The following ATP8B3 variants were observed in gnomAD, a reference collection of about 807,000 sequenced individuals.
ATP8B3 encodes phospholipid-transporting ATPase IK.
In ATP8B3, 141 loss-of-function variants were observed where a neutral mutation model predicts 140.9. The ratio of observed to expected loss-of-function variants is 1.00; its 90% CI spans 0.87 to 1.15. ATP8B3 has a LOEUF of 1.15. Ranked by LOEUF, ATP8B3 falls within the 50% of genes most tolerant of loss-of-function variation. The probability of loss-of-function intolerance (pLI) is 0.00; values close to 1 mark genes in which losing one functional copy is unlikely to be tolerated. For missense variants in ATP8B3, 1,874 were observed against 1,740.6 expected (o/e 1.08, Z -1.36); for synonymous variants, 765 against 714.6 (o/e 1.07, Z -1.13).
At position 1,806,457 on chromosome 19, in the gene ATP8B3, T is replaced by C. The variant is rs1320883345; in HGVS notation, c.677+171A>G. ...GGTTCGCCATCAGGGCCTCGGCCTC[T>C]GTCCTCGTCCCGGCCAAACGCCTAA... On this transcript the variant is annotated intron_variant, in intron 7 of 28. Transcript: ENST00000310127. This position sits in a 1 kb window ranked among gnomAD's most constrained non-coding sequence, Gnocchi z 5.6. 6.9e-7 allele frequency: 1 copy of C among 1,456,644 alleles called. No homozygotes were observed. Among genetic ancestry groups the C allele is most frequent in the African/African-American group, 1.4e-5 (1 of 70,498 alleles). 90.2% of individuals were successfully genotyped at this position (1,456,644 alleles called of 1,614,324 possible). A position where few individuals can be genotyped will look rare whatever the true frequency, so the allele number is the denominator to read the frequency against.
chr19:1,812,088 C>G (rs912680047), intron 1 of ATP8B3, 98 bp downstream of exon 1: 1 of 222,970 alleles, frequency 4.5e-6, no homozygotes, highest in African/African-American at 2.3e-5. Flanking sequence ...GCGCTCTCCA[C>G]CCCCGCCGCC....
At chr19:1,809,889 C>A (rs986779743) in intron 3 of ATP8B3, among the ~76,000 whole-genome samples, 155 bp from the exon 4 acceptor site, 6 of 152,218 alleles carry the variant, frequency 3.9e-5, no homozygotes, top group Non-Finnish European at 7.3e-5. Flanking sequence ...GCAGCAGGCA[C>A]CACCTGGGGA....
chr19:1,805,990 G>C lies in ATP8B3; in HGVS notation c.751-32C>G. ...TGGAGTGGGGGGCAGCGTTGCAAGA[G>C]GGGATGCAAGACAAATTGGGGGTGC... On this transcript the variant is annotated intron_variant, in intron 8 of 28. Transcript: ENST00000310127. This position sits in a 1 kb window ranked among gnomAD's most constrained non-coding sequence, Gnocchi z 5.2. 1 of 1,611,414 alleles carries C rather than the reference G, an allele frequency of 6.2e-7. No homozygotes were observed. The highest frequency in any genetic ancestry group is 1.1e-5 in the South Asian group (1 of 91,054).
intron 4 of ATP8B3, 28 bp from the exon 5 acceptor site, chr19:1,808,363 C>A: frequency 1.3e-6 from 2 of 1,565,996 alleles, no homozygotes; most frequent in East Asian, 2.3e-5. Flanking sequence ...GGCTGCCTGG[C>A]AGAGGGGTGC....
intron 18 of ATP8B3, among the ~76,000 whole-genome samples, chr19:1,795,116 G>T (rs974874435): frequency 6.6e-6 from 1 of 152,100 alleles, no homozygotes; most frequent in Admixed American, 6.5e-5. Context: ...TTGGCCGGGC[G>T]TGGTGGCGGG....
At chr19:1,801,127 C>T (rs1010543420) in intron 12 of ATP8B3, among the ~76,000 whole-genome samples, 32 of 151,140 alleles carry the variant, frequency 2.1e-4, no homozygotes, top group African/African-American at 7.3e-4. Flanking sequence ...TGCACCCAGC[C>T]GAAAAACATT....
Position 1,806,163 on chromosome 19 carries a change from C to T in ATP8B3, c.684G>A (p.Lys228=). Residue 228 remains lysine (K), a synonymous_variant, in exon 8 of 29, where the codon AAG becomes AAA. Coordinates refer to ENST00000310127, the MANE Select transcript of ATP8B3 (RefSeq NM_138813.4). This position sits in a 1 kb window ranked among gnomAD's most constrained non-coding sequence, Gnocchi z 5.6. ...PCQILMGKSF[K]QKKWQDLCVG... ...CGCACAGATCCTGCCATTTCTTCTG[C>T]TTGAAGCTGCGGGGAGAGGGGGTTG... 6.3e-7 allele frequency: 1 copy of T among 1,593,162 alleles called. No individual in the cohort carries two copies.
At chr19:1,798,461 G>C (rs1479747187) in intron 14 of ATP8B3, among the ~76,000 whole-genome samples, 2 of 152,046 alleles carry the variant, frequency 1.3e-5, no homozygotes, top group African/African-American at 4.8e-5. Context: ...TTTTGTGGCC[G>C]GGCGCGGTGG....
chr19:1,806,647 G>A lies in ATP8B3; in HGVS notation c.658C>T (p.Gln220Ter). The part of the protein sequence containing the change: ...SDRAINNRPC[Q>*]ILMGKSFKQK... The stretch of plus-strand genomic sequence containing the variant: ...CCTCACCTCTTCCCCATCAGAATCT[G>A]GCAGGGTCTGTTGTTGATGGCTCTG... The change falls in exon 7 of 29, where the codon CAG becomes TAG. Residue 220 changes from glutamine (Q) to a stop codon, truncating the protein, a stop_gained. Coordinates refer to ENST00000310127, the MANE Select transcript of ATP8B3 (RefSeq NM_138813.4). LOFTEE classifies it high-confidence loss of function. This position sits in a 1 kb window ranked among gnomAD's most constrained non-coding sequence, Gnocchi z 5.6. 1 of 1,562,566 alleles carries A rather than the reference G, an allele frequency of 6.4e-7. No individual in the cohort carries two copies. Among genetic ancestry groups the A allele is most frequent in the South Asian group, 1.2e-5 (1 of 84,672 alleles).
intron 18 of ATP8B3, 40 bp downstream of exon 18, chr19:1,795,835 A>C: frequency 7.3e-7 from 1 of 1,361,502 alleles, no homozygotes; most frequent in Non-Finnish European, 1.0e-6. Context: ...ACACACACAC[A>C]CACACACACA....
rs57411081 is a variant in ATP8B3, at chr19:1,800,817, C to CT, written c.1153-369dup. 4.3e-4 allele frequency among the ~76,000 whole-genome samples: 62 copies of CT among 144,592 alleles called. 1 individual carries two copies. The highest frequency in any genetic ancestry group is 1.0e-3 in the African/African-American group (40 of 39,140). The allele number at this position is 144,592 out of a possible 152,430, so 94.9% of individuals were successfully genotyped here. A position where few individuals can be genotyped will look rare whatever the true frequency, so the allele number is the denominator to read the frequency against. On this transcript the variant is annotated intron_variant, in intron 12 of 28. Coordinates refer to ENST00000310127, the MANE Select transcript of ATP8B3 (RefSeq NM_138813.4). The surrounding 1 kb of genome is among the most constrained non-coding windows in gnomAD (Gnocchi z 4.4). ...TGGGCAATAGAGTGAGATAGAAAAA[C>CT]TTTTTTTTTTTTAATTTTTTTTTTT...
intron 18 of ATP8B3, among the ~76,000 whole-genome samples, chr19:1,793,724 A>AT (rs1156973070): frequency 1.3e-5 from 2 of 151,808 alleles, no homozygotes; most frequent in Non-Finnish European, 1.5e-5. Context: ...TAGGTCTCAA[A>AT]TTTGTTTATT....
At position 1,800,716 on chromosome 19, in the gene ATP8B3, T is replaced by C. The variant is rs1328441679; in HGVS notation, c.1153-267A>G. ...GGCGCACACCTGTAGTCTCAGCTGC[T>C]CAGAAGGCTGAGGCCGAGGATCGCT... On this transcript the variant is annotated intron_variant, in intron 12 of 28. Transcript: ENST00000310127. The surrounding 1 kb of genome is among the most constrained non-coding windows in gnomAD (Gnocchi z 4.4). 6.6e-6 allele frequency among the ~76,000 whole-genome samples: 1 copy of C among 151,932 alleles called. No homozygotes were observed. The highest frequency in any genetic ancestry group is 2.1e-4 in the South Asian group (1 of 4,822).
chr19:1,811,480 C>A lies in ATP8B3; in HGVS notation c.248+9G>T. On this transcript the variant is annotated intron_variant, in intron 2 of 28. Transcript: ENST00000310127. ...CTGTGTTCCGGCCACCCGATGCACC[C>A]GTCCTCACCCTTCTGGTCTCCATTC... 2 of 1,609,558 alleles carry A rather than the reference C, an allele frequency of 1.2e-6. No homozygotes were observed. The highest frequency in any genetic ancestry group is 1.7e-6 in the Non-Finnish European group (2 of 1,178,596).
chr19:1,801,910 G>C lies in ATP8B3; in HGVS notation c.1152+46C>G, dbSNP rs193229292. The C allele has an allele frequency of 9.4e-4, 1,354 of 1,436,840 alleles. 17 individuals carry two copies. The Admixed American group carries it at 0.018, about 19-fold the overall frequency. 89.0% of individuals were successfully genotyped at this position (1,436,840 alleles called of 1,614,324 possible). ...CCTGGAAGATGACATCCCTGACCCT[G>C]CACTCCTCTGTGTTCCTGGGGCAGG... On this transcript the variant is annotated intron_variant, in intron 12 of 28. Coordinates refer to ENST00000310127, the MANE Select transcript of ATP8B3 (RefSeq NM_138813.4).
At chr19:1,798,555 G>A (rs544358586) in intron 14 of ATP8B3, among the ~76,000 whole-genome samples, 9 of 151,708 alleles carry the variant, frequency 5.9e-5, no homozygotes, top group South Asian at 4.2e-4. Flanking sequence ...TGGCTAACAC[G>A]GTGAAACCCT....
At chr19:1,796,340 G>T in intron 16 of ATP8B3, 75 bp from the exon 17 acceptor site, 1 of 1,326,160 alleles carries the variant, frequency 7.5e-7, no homozygotes, top group South Asian at 1.3e-5. Context: ...GGAGGAGATG[G>T]GTATCGCCTG....
At position 1,789,577 on chromosome 19, in the gene ATP8B3, G is replaced by A. The variant is rs750851957; in HGVS notation, c.2629C>T (p.Leu877=). ...GAGTCCTGGGCTGGCGGTGCAGCCA[G>A]CGGGAGCCCGAACCTCCGGCACAGC... is the stretch of plus-strand genomic sequence containing the variant. ...SLLCRRFGLP[L]AAPPAQDSRA... Residue 877 remains leucine (L), a synonymous_variant, in exon 23 of 29, where the codon CTG becomes TTG. Transcript: ENST00000310127. The A allele has an allele frequency of 4.4e-6, 7 of 1,593,394 alleles. No homozygotes were observed. Among genetic ancestry groups the A allele is most frequent in the Non-Finnish European group, 6.0e-6 (7 of 1,175,638 alleles).
chr19:1,808,382 C>T, intron 4 of ATP8B3, 47 bp from the exon 5 acceptor site: 1 of 1,474,370 alleles, frequency 6.8e-7, no homozygotes, highest in Non-Finnish European at 9.4e-7. Context: ...GCCATCCAGG[C>T]CAGGGGATGG....
Sources: allele counts gnomAD v4.1 joint callset (sites outside exome capture counted in the v4.1 genomes callset), GRCh38; gene constraint gnomAD v4.1.1; non-coding constraint Gnocchi (gnomAD v3.1); transcripts MANE v1.5; gene names NCBI Gene and HGNC (gene_info 2026-07-23, HGNC 2026-07-21).